The following VLDLR variants were observed in gnomAD, a reference collection of about 807,000 sequenced individuals.
VLDLR encodes very low-density lipoprotein receptor.
In VLDLR, 81 loss-of-function variants were observed where a neutral mutation model predicts 112.7. The ratio of observed to expected loss-of-function variants is 0.72; its 90% CI spans 0.60 to 0.86. The LOEUF is 0.86. Ranked by LOEUF, VLDLR falls within the 40% of genes least tolerant of loss-of-function variation. The pLI, the probability that VLDLR is intolerant of heterozygous loss-of-function variation, is 0.00. For missense variants in VLDLR, 1,237 were observed against 1,099.4 expected, an observed-to-expected ratio of 1.13 and a Z score of -1.77; for synonymous variants, 436 against 384.8, an observed-to-expected ratio of 1.13 and a Z score of -1.56.
At chr9:2,631,066 G>A (rs767988059) in intron 1 of VLDLR, among the ~76,000 whole-genome samples, 6 of 152,094 alleles carry the variant, frequency 3.9e-5, no homozygotes, top group Non-Finnish European at 8.8e-5. Flanking sequence ...TGAAAAAATC[G>A]TTACCATTAC....
At chr9:2,643,129 AT>A in intron 4 of VLDLR, 30 bp from the exon 5 acceptor site, 1 of 1,603,956 alleles carries the variant, frequency 6.2e-7, no homozygotes. Context: ...ATCTTGATGC[AT>A]TTTCAGTGGG....
intron 1 of VLDLR, among the ~76,000 whole-genome samples, chr9:2,628,160 A>C (rs1453469678): frequency 6.6e-6 from 1 of 152,210 alleles, no homozygotes; most frequent in East Asian, 1.9e-4. Flanking sequence ...TGTGAACTGC[A>C]GCCCATGCCT....
chr9:2,644,641 A>C (rs1371871891), intron 7 of VLDLR, 93 bp from the exon 8 acceptor site: 1 of 1,571,638 alleles, frequency 6.4e-7, no homozygotes, highest in Non-Finnish European at 8.7e-7. Flanking sequence ...GACCAGGCCA[A>C]CTAGATAAGT....
chr9:2,648,569 G>A, intron 13 of VLDLR, 100 bp from the exon 14 acceptor site: 2 of 1,587,696 alleles, frequency 1.3e-6, no homozygotes, highest in South Asian at 1.1e-5. Context: ...TCAGCATTCA[G>A]TAAACTTAGT....
At chr9:2,640,613 A>G (rs1050161519) in intron 3 of VLDLR, among the ~76,000 whole-genome samples, 1 of 152,210 alleles carries the variant, frequency 6.6e-6, no homozygotes, top group African/African-American at 2.4e-5. Flanking sequence ...CACGAATGTC[A>G]AGGCAAAGAA....
At chr9:2,630,693 GGGAAAA>G (rs759576681) in intron 1 of VLDLR, among the ~76,000 whole-genome samples, 20 of 152,214 alleles carry the variant, frequency 1.3e-4, no homozygotes, top group Non-Finnish European at 2.4e-4. Flanking sequence ...AACCGCTACA[GGGAAAA>G]TTAGACAATG....
At chr9:2,653,036 GGAT>G in intron 18 of VLDLR, 87 bp downstream of exon 18, 1 of 1,542,814 alleles carries the variant, frequency 6.5e-7, no homozygotes, top group South Asian at 1.1e-5. Context: ...AGAGCCATTA[GGAT>G]GATGGAGTTA....
chr9:2,623,053 C>G (rs1325898606), intron 1 of VLDLR, among the ~76,000 whole-genome samples: 1 of 152,236 alleles, frequency 6.6e-6, no homozygotes, highest in Admixed American at 6.5e-5. Flanking sequence ...GTTTGCTGAC[C>G]CTCCTTCCCG....
rs995626461 is a variant in VLDLR, at chr9:2,658,115, C to T, written c.*4247C>T. On this transcript the variant is annotated 3_prime_UTR_variant, in exon 19 of 19. Transcript: ENST00000382100. ...TAATCCAGCCTGGAGGATTTTTAGC[C>T]GAAACAGTTGCATGTGAAGGATTAT... 2 of 152,140 alleles carry T rather than the reference C, an allele frequency of 1.3e-5. No individual in the cohort carries two copies. The highest frequency in any genetic ancestry group is 6.5e-5 in the Admixed American group (1 of 15,268). 9.4% of individuals were successfully genotyped at this position (152,140 alleles called of 1,614,324 possible). A position where few individuals can be genotyped will look rare whatever the true frequency, so the allele number is the denominator to read the frequency against.
rs559762755 is a variant in VLDLR at position 2,643,141 on chromosome 9, G to T, written c.449-19G>T. 2 of 1,605,854 alleles carry T rather than the reference G, an allele frequency of 1.2e-6. No homozygotes were observed. The highest frequency in any genetic ancestry group is 2.7e-5 in the African/African-American group (2 of 75,038). On this transcript the variant is annotated intron_variant, in intron 4 of 18. Coordinates refer to ENST00000382100, the MANE Select transcript of VLDLR (RefSeq NM_003383.5). ...CCAATCTTGATGCATTTTCAGTGGG[G>T]CATCCTCTCTCTTAATAGGCAATAT... is the stretch of plus-strand genomic sequence containing the variant.
chr9:2,649,842 A>G (rs1481007580), intron 14 of VLDLR, among the ~76,000 whole-genome samples: 1 of 152,094 alleles, frequency 6.6e-6, no homozygotes, highest in Non-Finnish European at 1.5e-5. Context: ...AACTCATAAC[A>G]CCTACTTTCC....
chr9:2,628,760 A>G (rs1200427372), intron 1 of VLDLR, among the ~76,000 whole-genome samples: 1 of 152,158 alleles, frequency 6.6e-6, no homozygotes, highest in Non-Finnish European at 1.5e-5. Context: ...AAGATAGACT[A>G]CACAGGGAGG....
In VLDLR at chr9:2,643,934, G is replaced by C. The variant is rs114872818; in HGVS notation, c.1041G>C (p.Trp347Cys). 5.4e-5 allele frequency: 87 copies of C among 1,614,070 alleles called. No homozygotes were observed. In the East Asian group the frequency reaches 1.8e-3, roughly 34 times the overall value. Residue 347 changes from tryptophan (W) to cysteine (C), a missense_variant, in exon 7 of 19, where the codon TGG (tryptophan) becomes TGC (cysteine). By Grantham distance (215) the Trp-to-Cys change is radical. Transcript: ENST00000382100. Reference sequence around the variant, plus strand: ...ACCAGGAGCAGGACTGCAGGGACTGGAGTGATGAGCCCCTGAAAGAGTGTC... The same window carrying C: ...ACCAGGAGCAGGACTGCAGGGACTGCAGTGATGAGCCCCTGAAAGAGTGTC... ...VCNQEQDCRD[W>C]SDEPLKECHI...
chr9:2,658,451 C>T lies in VLDLR; in HGVS notation c.*4583C>T, dbSNP rs765817446. 11 of 152,148 alleles carry T rather than the reference C, an allele frequency of 7.2e-5. No individual in the cohort carries two copies. Among genetic ancestry groups the T allele is most frequent in the South Asian group, 2.1e-4 (1 of 4,828 alleles). 9.4% of individuals were successfully genotyped at this position (152,148 alleles called of 1,614,324 possible). ...AGCTGCGGGTGGGGAGTTTGTGCTC[C>T]GCAGGTTACCTCATGGCATATCAAA... On this transcript the variant is annotated 3_prime_UTR_variant, in exon 19 of 19. Coordinates refer to ENST00000382100, the MANE Select transcript of VLDLR (RefSeq NM_003383.5).
In VLDLR at chr9:2,650,618, A is replaced by T. The variant is rs1586659184; in HGVS notation, c.2251+102A>T. On this transcript the variant is annotated intron_variant, in intron 15 of 18. Transcript: ENST00000382100. ...GAATTCTGTCTTAGCTAATTCTTTG[A>T]ATAGATTTGAGAAGATATCTGCTAT... 7 of 1,497,238 alleles carry T rather than the reference A, an allele frequency of 4.7e-6. No individual in the cohort carries two copies. In the East Asian group the frequency reaches 1.7e-4, roughly 36 times the overall value. 92.7% of individuals were successfully genotyped at this position (1,497,238 alleles called of 1,614,324 possible). A position where few individuals can be genotyped will look rare whatever the true frequency, so the allele number is the denominator to read the frequency against.
rs753834749 is a variant in VLDLR, at chr9:2,650,514, A to C, written c.2249A>C (p.Gln750Pro). 1.9e-6 allele frequency: 3 copies of C among 1,613,506 alleles called. No individual in the cohort carries two copies. The highest frequency in any genetic ancestry group is 3.3e-5 in the Admixed American group (2 of 60,018). ...YNVEENGRDC[Q>P]STATTVTYSE... is the part of the protein sequence containing the mutation. ...GTAGAGGAAAATGGCCGAGACTGTC[A>C]AAGTAAGGCATTTTGTGTTTCAACC... The change falls in exon 15 of 19, where the codon CAA becomes CCA. Residue 750 changes from glutamine (Q) to proline (P), a missense_variant and splice_region_variant. Coordinates refer to ENST00000382100, the MANE Select transcript of VLDLR (RefSeq NM_003383.5).
intron 1 of VLDLR, among the ~76,000 whole-genome samples, chr9:2,629,095 T>C (rs927779731): frequency 6.6e-6 from 1 of 152,238 alleles, no homozygotes; most frequent in Non-Finnish European, 1.5e-5. Flanking sequence ...CATTGACTCA[T>C]TAGAAATGCA....
At chr9:2,639,493 A>G (rs35541357) in intron 2 of VLDLR, among the ~76,000 whole-genome samples, 61 of 152,372 alleles carry the variant, frequency 4.0e-4, no homozygotes, top group African/African-American at 1.3e-3. Flanking sequence ...TGGAATGTTT[A>G]GCTGTTAAAT....
chr9:2,632,430 T>C (rs934375061), intron 1 of VLDLR, among the ~76,000 whole-genome samples: 1 of 152,226 alleles, frequency 6.6e-6, no homozygotes, highest in Non-Finnish European at 1.5e-5. Flanking sequence ...TGAGGTGTCA[T>C]TGGCTTTAGT....
Sources: allele counts gnomAD v4.1 joint callset (sites outside exome capture counted in the v4.1 genomes callset), GRCh38; gene constraint gnomAD v4.1.1; transcripts MANE v1.5; gene names NCBI Gene and HGNC (gene_info 2026-07-23, HGNC 2026-07-21).